Variants in NEDD4L observed in about 807,000 individuals in gnomAD.
NEDD4L encodes E3 ubiquitin-protein ligase NEDD4-like.
In NEDD4L, 54 loss-of-function variants were observed where a neutral mutation model predicts 148.9. The observed-to-expected ratio is 0.36, with a 90% CI of 0.29 to 0.45. The LOEUF is 0.45. Among genes scored for constraint, NEDD4L ranks in the 20% least tolerant of loss-of-function variants. The probability of loss-of-function intolerance (pLI) is 1.00; values close to 1 mark genes in which losing one functional copy is unlikely to be tolerated. For missense variants in NEDD4L, 856 were observed against 1,233.8 expected (o/e 0.69, Z 4.59); for synonymous variants, 433 against 440.7 (o/e 0.98, Z 0.22).
At chr18:58,051,722 A>G (rs1388218833) in intron 1 of NEDD4L, among the ~76,000 whole-genome samples, 1 of 152,224 alleles carries the variant, frequency 6.6e-6, no homozygotes, top group African/African-American at 2.4e-5. Flanking sequence ...AGGTATTTGA[A>G]TAAGTGGGTC....
At chr18:58,153,590 G>A (rs985691898) in intron 1 of NEDD4L, among the ~76,000 whole-genome samples, 3 of 151,682 alleles carry the variant, frequency 2.0e-5, no homozygotes, top group African/African-American at 7.3e-5. Context: ...GATCTGCTTT[G>A]TGTCTCTTAG....
chr18:58,291,201 CAG>C (rs1205555116), intron 5 of NEDD4L, among the ~76,000 whole-genome samples: 1 of 151,804 alleles, frequency 6.6e-6, no homozygotes, highest in Non-Finnish European at 1.5e-5. Flanking sequence ...CATGGTCACA[CAG>C]AGAACCAGGC....
chr18:58,231,649 G>A (rs1568437089), intron 2 of NEDD4L, among the ~76,000 whole-genome samples: 3 of 152,100 alleles, frequency 2.0e-5, no homozygotes, highest in Non-Finnish European at 2.9e-5. Flanking sequence ...TGCAACCTCC[G>A]CCTCCAAGGT....
intron 1 of NEDD4L, among the ~76,000 whole-genome samples, chr18:58,123,198 C>T (rs914268442): frequency 1.3e-5 from 2 of 152,220 alleles, no homozygotes; most frequent in Non-Finnish European, 2.9e-5. Flanking sequence ...CTGCTGGTCT[C>T]TTCACAGAGT....
intron 2 of NEDD4L, among the ~76,000 whole-genome samples, chr18:58,233,326 G>A (rs2045480577): frequency 6.6e-6 from 1 of 152,228 alleles, no homozygotes; most frequent in African/African-American, 2.4e-5. Flanking sequence ...AGAAAAAGAG[G>A]TTTAATGTAC....
intron 2 of NEDD4L, among the ~76,000 whole-genome samples, chr18:58,243,094 G>A (rs1044623843): frequency 6.6e-6 from 1 of 152,186 alleles, no homozygotes; most frequent in South Asian, 2.1e-4. Flanking sequence ...TACAGACTGA[G>A]GTAAATGAAC....
intron 2 of NEDD4L, among the ~76,000 whole-genome samples, chr18:58,207,512 AT>A: frequency 6.6e-6 from 1 of 152,120 alleles, no homozygotes; most frequent in Non-Finnish European, 1.5e-5. Flanking sequence ...TGCAACAGGA[AT>A]ATATGAAGGT....
intron 1 of NEDD4L, among the ~76,000 whole-genome samples, chr18:58,062,033 T>C (rs1178322105): frequency 1.3e-5 from 2 of 152,248 alleles, no homozygotes; most frequent in African/African-American, 4.8e-5. Context: ...GTTCTCCTAG[T>C]TGAACTCTTC....
At chr18:58,123,001 GGGA>G (rs2030259680) in intron 1 of NEDD4L, among the ~76,000 whole-genome samples, 1 of 152,192 alleles carries the variant, frequency 6.6e-6, no homozygotes, top group Non-Finnish European at 1.5e-5. Context: ...CCAGAGTGCT[GGGA>G]TTACAGGTGT....
rs2048678426 is a variant in NEDD4L, at chr18:58,256,967, A to C, written c.297+4913A>C. ...TTGGTGCGCAAAACACCATTTCTGCAAATGTCTTCTGTAGGTCCTCAAAGT... is the reference window on the plus strand; with the variant it reads ...TTGGTGCGCAAAACACCATTTCTGCCAATGTCTTCTGTAGGTCCTCAAAGT... On this transcript the variant is annotated intron_variant, in intron 5 of 30. Transcript: ENST00000400345. This position sits in a 1 kb window ranked among gnomAD's most constrained non-coding sequence, Gnocchi z 5.2. 6.6e-6 allele frequency among the ~76,000 whole-genome samples: 1 copy of C among 152,180 alleles called. No individual in the cohort carries two copies. The highest frequency in any genetic ancestry group is 1.5e-5 in the Non-Finnish European group (1 of 68,042).
intron 5 of NEDD4L, among the ~76,000 whole-genome samples, chr18:58,274,726 C>T (rs1363381286): frequency 6.6e-6 from 1 of 152,140 alleles, no homozygotes; most frequent in African/African-American, 2.4e-5. Context: ...GGACTTATTC[C>T]CAATAATAAA....
chr18:58,343,494 A>G (rs2042687429), intron 16 of NEDD4L, among the ~76,000 whole-genome samples: 1 of 152,140 alleles, frequency 6.6e-6, no homozygotes, highest in African/African-American at 2.4e-5. Flanking sequence ...TTGCACTTTC[A>G]TTGGCATTAC....
intron 1 of NEDD4L, among the ~76,000 whole-genome samples, chr18:58,065,423 A>G (rs548370542): frequency 1.3e-5 from 2 of 152,380 alleles, no homozygotes; most frequent in African/African-American, 4.8e-5. Flanking sequence ...CTCAGCTGCC[A>G]TGCTTATGGT....
intron 4 of NEDD4L, 97 bp from the exon 5 acceptor site, chr18:58,251,904 G>C: frequency 1.4e-6 from 1 of 719,982 alleles, no homozygotes; most frequent in African/African-American, 1.8e-5. Context: ...AATTGAGTTG[G>C]GCGCATTGTA....
intron 1 of NEDD4L, among the ~76,000 whole-genome samples, chr18:58,114,696 C>G (rs971616419): frequency 6.6e-6 from 1 of 152,136 alleles, no homozygotes; most frequent in Non-Finnish European, 1.5e-5. Context: ...AGGGTAGAGT[C>G]TAACATGGGC....
At chr18:58,376,664 A>G (rs367822793) in intron 24 of NEDD4L, among the ~76,000 whole-genome samples, 6 of 152,316 alleles carry the variant, frequency 3.9e-5, no homozygotes, top group African/African-American at 1.2e-4. Context: ...TCTACATCCA[A>G]TATGGCTTCT....
rs537727037 is a variant in NEDD4L at position 58,071,112 on chromosome 18, T to C, written c.48+26404T>C. Among the ~76,000 whole-genome samples the C allele has an allele frequency of 2.7e-3, 409 of 152,282 alleles. 1 individual carries two copies. Among genetic ancestry groups the C allele is most frequent in the Non-Finnish European group, 4.5e-3 (306 of 68,020 alleles). ...AACTGTCCTTGATGAAGCGCAGATG[T>C]TGGGCATACTTAAAACTTAAGTCAC... is the stretch of plus-strand genomic sequence containing the variant. On this transcript the variant is annotated intron_variant, in intron 1 of 30. Coordinates refer to ENST00000400345, the MANE Select transcript of NEDD4L (RefSeq NM_001144967.3).
chr18:58,251,792 A>C (rs965590904), intron 4 of NEDD4L, among the ~76,000 whole-genome samples: 1 of 152,166 alleles, frequency 6.6e-6, no homozygotes, highest in African/African-American at 2.4e-5. Context: ...TTCTTTTGCT[A>C]TGCCTAAATT....
chr18:58,067,523 G>T (rs981334349), intron 1 of NEDD4L, among the ~76,000 whole-genome samples: 1 of 152,190 alleles, frequency 6.6e-6, no homozygotes, highest in African/African-American at 2.4e-5. Context: ...AGGAGGTGGT[G>T]TGGGGGGCCT....
Sources: gnomAD v4.1 joint callset for allele counts (sites outside exome capture counted in the v4.1 genomes callset) on GRCh38, gnomAD v4.1.1 for gene constraint, Gnocchi (gnomAD v3.1) non-coding constraint, MANE v1.5 for transcripts, NCBI Gene and HGNC (gene_info 2026-07-23, HGNC 2026-07-21) for gene names.